Variants in FMNL2 observed in about 807,000 individuals in gnomAD.
FMNL2 encodes formin-like protein 2.
A neutral mutation model predicts 130.2 loss-of-function variants in FMNL2; 51 were observed. The ratio of observed to expected loss-of-function variants is 0.39; its 90% CI spans 0.31 to 0.49. FMNL2 has a LOEUF of 0.49. Ranked by LOEUF, FMNL2 falls within the 20% of genes least tolerant of loss-of-function variation. The pLI, the probability that FMNL2 is intolerant of heterozygous loss-of-function variation, is 0.85. For missense variants in FMNL2, 977 were observed against 1,316.2 expected (o/e 0.74, Z 3.99); for synonymous variants, 465 against 467.1 (o/e 1.00, Z 0.06).
chr2:152,544,888 A>G (rs1679266698), intron 3 of FMNL2, among the ~76,000 whole-genome samples: 1 of 152,222 alleles, frequency 6.6e-6, no homozygotes, highest in South Asian at 2.1e-4. Context: ...CAAAGAGAAC[A>G]AAGTGAAACA....
At chr2:152,638,524 G>A (rs944153478) in intron 23 of FMNL2, among the ~76,000 whole-genome samples, 1 of 152,218 alleles carries the variant, frequency 6.6e-6, no homozygotes, top group African/African-American at 2.4e-5. Flanking sequence ...GAAGGCTCTG[G>A]AAAATCATTA....
chr2:152,519,951 A>G (rs1692992209), intron 1 of FMNL2, among the ~76,000 whole-genome samples: 1 of 152,230 alleles, frequency 6.6e-6, no homozygotes, highest in Non-Finnish European at 1.5e-5. Flanking sequence ...GGTCAACACC[A>G]GTTTAAGAGG....
At position 152,647,849 on chromosome 2, in the gene FMNL2, C is replaced by T. The variant is rs1441146864; in HGVS notation, c.3223C>T (p.Arg1075Trp). 10 of 1,613,780 alleles carry T rather than the reference C, an allele frequency of 6.2e-6. No homozygotes were observed. The highest frequency in any genetic ancestry group is 2.2e-5 in the East Asian group (1 of 44,898). ...RADAVRRSVRRRFDDQNLRSV... is the reference protein window; with the variant it reads ...RADAVRRSVRWRFDDQNLRSV... ...CGATGCGGTGAGGAGAAGCGTCAGG[C>T]GGCGCTTTGATGATCAGAACTTGCG... The change falls in exon 26 of 26, where the codon CGG becomes TGG. Residue 1075 changes from arginine to tryptophan, a missense_variant. Arg to Trp is a moderately radical substitution (Grantham distance 101, BLOSUM62 -3). Transcript: ENST00000288670.
At chr2:152,390,228 G>T in intron 1 of FMNL2, 1 of 1,458,070 alleles carries the variant, frequency 6.9e-7, no homozygotes, top group Non-Finnish European at 9.6e-7. Flanking sequence ...GAAAGGGAAG[G>T]ACATGGTGGT....
chr2:152,462,123 A>G (rs1388122849), intron 1 of FMNL2, among the ~76,000 whole-genome samples: 2 of 152,078 alleles, frequency 1.3e-5, no homozygotes, highest in Non-Finnish European at 2.9e-5. Flanking sequence ...TCAACCTCCC[A>G]AAGTGTTGGG....
chr2:152,370,332 G>T (rs1319758354), intron 1 of FMNL2, among the ~76,000 whole-genome samples: 1 of 152,072 alleles, frequency 6.6e-6, no homozygotes, highest in East Asian at 1.9e-4. Context: ...TTTTATAAGG[G>T]CACTAATCCC....
chr2:152,565,149 A>G (rs1579974738), intron 6 of FMNL2, among the ~76,000 whole-genome samples: 1 of 152,238 alleles, frequency 6.6e-6, no homozygotes, highest in East Asian at 1.9e-4. Flanking sequence ...TTTCAGATGC[A>G]AGAGAAAATA....
At chr2:152,588,187 C>T (rs1033579985) in intron 9 of FMNL2, among the ~76,000 whole-genome samples, 4 of 152,240 alleles carry the variant, frequency 2.6e-5, no homozygotes, top group Non-Finnish European at 4.4e-5. Flanking sequence ...GTGGTAATCT[C>T]TGAAGGCTCC....
chr2:152,579,389 G>A (rs1580004721), intron 8 of FMNL2, among the ~76,000 whole-genome samples: 1 of 152,222 alleles, frequency 6.6e-6, no homozygotes, highest in East Asian at 1.9e-4. Flanking sequence ...TTTAATTACT[G>A]AACGAAAATA....
At chr2:152,343,914 A>T (rs998999514) in intron 1 of FMNL2, among the ~76,000 whole-genome samples, 3 of 152,186 alleles carry the variant, frequency 2.0e-5, no homozygotes, top group Non-Finnish European at 4.4e-5. Flanking sequence ...GCACTTTGGG[A>T]GGCCAAGACA....
intron 1 of FMNL2, among the ~76,000 whole-genome samples, chr2:152,457,944 C>T (rs1324687566): frequency 6.6e-6 from 1 of 152,222 alleles, no homozygotes; most frequent in Non-Finnish European, 1.5e-5. Context: ...TTTTTGGCTA[C>T]AACCTCAGAA....
chr2:152,476,825 C>T (rs35199259), intron 1 of FMNL2, among the ~76,000 whole-genome samples: 6,560 of 152,038 alleles, frequency 0.043, 478 homozygotes, highest in African/African-American at 0.15. Flanking sequence ...AATTATTATA[C>T]TAATTCTCAG....
chr2:152,437,731 T>G (rs1242661185), intron 1 of FMNL2, among the ~76,000 whole-genome samples: 2 of 152,166 alleles, frequency 1.3e-5, no homozygotes, highest in African/African-American at 4.8e-5. Context: ...AATTCCAGAT[T>G]CAAACAACAG....
intron 1 of FMNL2, among the ~76,000 whole-genome samples, chr2:152,406,460 T>C (rs1025037967): frequency 1.7e-4 from 26 of 152,224 alleles, no homozygotes; most frequent in African/African-American, 6.0e-4. Flanking sequence ...TATTTTGTTA[T>C]GGGCTTCTTC....
chr2:152,564,776 GTTT>G (rs56378937), intron 6 of FMNL2, among the ~76,000 whole-genome samples: 995 of 79,376 alleles, frequency 0.013, 10 homozygotes, highest in African/African-American at 0.026. Context: ...TACAAGGTTG[GTTT>G]TTTTTTTTTT....
chr2:152,447,623 C>G (rs1157091167), intron 1 of FMNL2, among the ~76,000 whole-genome samples: 1 of 152,124 alleles, frequency 6.6e-6, no homozygotes, highest in Non-Finnish European at 1.5e-5. Flanking sequence ...TGAAATGTCT[C>G]TTTAAATGCA....
In FMNL2 at chr2:152,647,923, A is replaced by G. The variant is rs1374802774; in HGVS notation, c.*18A>G. 3 of 1,599,126 alleles carry G rather than the reference A, an allele frequency of 1.9e-6. No homozygotes were observed. Among genetic ancestry groups the G allele is most frequent in the African/African-American group, 2.7e-5 (2 of 74,596 alleles). ...CAATGTGAACCTGAGACTGGCCTGC[A>G]TGAATACAGGGTGTGCGTGAATGAA... is the stretch of plus-strand genomic sequence containing the variant. On this transcript the variant is annotated 3_prime_UTR_variant, in exon 26 of 26. Coordinates refer to ENST00000288670, the MANE Select transcript of FMNL2 (RefSeq NM_052905.4).
chr2:152,602,167 A>T (rs1219094274), intron 9 of FMNL2, among the ~76,000 whole-genome samples: 1 of 152,112 alleles, frequency 6.6e-6, no homozygotes, highest in Admixed American at 6.5e-5. Context: ...GTGCAAAGAG[A>T]GGCAGTTGTA....
intron 1 of FMNL2, among the ~76,000 whole-genome samples, chr2:152,470,176 G>C (rs753199160): frequency 6.6e-6 from 1 of 152,120 alleles, no homozygotes; most frequent in African/African-American, 2.4e-5. Context: ...TTTAGAGGTG[G>C]GTGATATTTG....
Sources: gnomAD v4.1 joint callset for allele counts (sites outside exome capture counted in the v4.1 genomes callset) on GRCh38, gnomAD v4.1.1 for gene constraint, MANE v1.5 for transcripts, NCBI Gene and HGNC (gene_info 2026-07-23, HGNC 2026-07-21) for gene names.